Variants in TTLL7 observed in about 807,000 individuals in gnomAD.
TTLL7 encodes the protein tubulin tyrosine ligase like 7, also known as tubulin polyglutamylase TTLL7.
Under a neutral mutation model 120.2 loss-of-function variants are expected in TTLL7, and 53 were observed. The observed-to-expected ratio is 0.44, with a 90% CI of 0.35 to 0.55. The LOEUF (loss-of-function observed/expected upper bound fraction) is 0.55, where lower values mean the gene tolerates loss of function less well. Among genes scored for constraint, TTLL7 ranks in the 20% least tolerant of loss-of-function variants. TTLL7 has a pLI of 0.00. For synonymous variants in TTLL7, 353 were observed against 351.7 expected, an observed-to-expected ratio of 1.00 and a Z score of -0.04; for missense variants, 803 against 1,054.7, an observed-to-expected ratio of 0.76 and a Z score of 3.31.
chr1:83,920,088 A>C (rs1658515054), intron 12 of TTLL7, among the ~76,000 whole-genome samples: 1 of 152,210 alleles, frequency 6.6e-6, no homozygotes, highest in Admixed American at 6.5e-5. Context: ...TAATTAATAA[A>C]ATTCTTTCAA....
chr1:83,938,541 C>T (rs1647633503), intron 7 of TTLL7, among the ~76,000 whole-genome samples: 1 of 152,090 alleles, frequency 6.6e-6, no homozygotes, highest in African/African-American at 2.4e-5. Context: ...ACTGAGAGGC[C>T]CCTTTAGCTC....
chr1:83,991,283 A>C (rs1434920430), intron 1 of TTLL7, among the ~76,000 whole-genome samples: 1 of 152,184 alleles, frequency 6.6e-6, no homozygotes, highest in African/African-American at 2.4e-5. Context: ...AGGTCGTTTC[A>C]CAATAATGTG....
intron 1 of TTLL7, among the ~76,000 whole-genome samples, chr1:83,987,871 T>C (rs966622003): frequency 6.6e-6 from 1 of 152,166 alleles, no homozygotes; most frequent in Non-Finnish European, 1.5e-5. Flanking sequence ...TATTTGTTTA[T>C]TTATTCTATA....
At chr1:83,973,999 G>A (rs2100578777) in intron 1 of TTLL7, among the ~76,000 whole-genome samples, 1 of 152,084 alleles carries the variant, frequency 6.6e-6, no homozygotes, top group Non-Finnish European at 1.5e-5. Flanking sequence ...GCTGGATCCT[G>A]AAGATTTTTG....
At chr1:83,920,182 CAA>C (rs1658520012) in intron 12 of TTLL7, among the ~76,000 whole-genome samples, 1 of 152,014 alleles carries the variant, frequency 6.6e-6, no homozygotes, top group Non-Finnish European at 1.5e-5. Context: ...AATCCACAAA[CAA>C]AGTTTATCTA....
Position 83,907,605 on chromosome 1 carries a change from T to A in TTLL7, c.1843A>T (p.Ser615Cys), listed in dbSNP as rs1270624471. 1.2e-6 allele frequency: 2 copies of A among 1,613,180 alleles called. No individual in the cohort carries two copies. The highest frequency in any genetic ancestry group is 4.5e-5 in the East Asian group (2 of 44,804). Reference sequence around the variant, plus strand: ...GCAGAAAATGGGCGGGTGTCCCCACTGGAAGGTGATTGAGCAGAGATGGAC... The same window carrying A: ...GCAGAAAATGGGCGGGTGTCCCCACAGGAAGGTGATTGAGCAGAGATGGAC... ...PRSISAQSPSSGDTRPFSAQQ... is the reference protein window; with the variant it reads ...PRSISAQSPSCGDTRPFSAQQ... Residue 615 changes from serine (S) to cysteine (C), a missense_variant, in exon 16 of 21, where the codon AGT (serine) becomes TGT (cysteine). Coordinates refer to ENST00000260505, the MANE Select transcript of TTLL7 (RefSeq NM_024686.6).
At chr1:83,898,461 A>G (rs1029000895) in intron 18 of TTLL7, among the ~76,000 whole-genome samples, 1 of 152,040 alleles carries the variant, frequency 6.6e-6, no homozygotes, top group African/African-American at 2.4e-5. Context: ...GCCATAGGCA[A>G]TACTGAACTC....
chr1:83,959,907 T>C (rs978528220), intron 1 of TTLL7, among the ~76,000 whole-genome samples: 1 of 152,050 alleles, frequency 6.6e-6, no homozygotes, highest in Non-Finnish European at 1.5e-5. Context: ...TTTAAAATTA[T>C]ACAAAATAAT....
chr1:83,907,528 G>C lies in TTLL7; in HGVS notation c.1920C>G (p.Ser640=), dbSNP rs199922709. 9.6e-5 allele frequency: 155 copies of C among 1,613,280 alleles called. 1 individual carries two copies. In the East Asian group the frequency reaches 3.3e-3, roughly 34 times the overall value. Residue 640 remains serine (S), a synonymous_variant, in exon 16 of 21, where the codon TCC becomes TCG. Coordinates refer to ENST00000260505, the MANE Select transcript of TTLL7 (RefSeq NM_024686.6). ...TCATGTAGGAGGAAGCACGGTTTAAGGAATGTGACCGAGATGCAGAAGTTG... is the reference window on the plus strand; with the variant it reads ...TCATGTAGGAGGAAGCACGGTTTAACGAATGTGACCGAGATGCAGAAGTTG... ...SRPTSASRSH[S]LNRASSYMRH...
chr1:83,911,514 G>T, intron 14 of TTLL7, 151 bp from the exon 15 acceptor site: 1 of 647,300 alleles, frequency 1.5e-6, no homozygotes, highest in Non-Finnish European at 2.6e-6. Flanking sequence ...ATGCTGCTTA[G>T]CCTACAGTGC....
In TTLL7 at chr1:83,921,392, G is replaced by A; in HGVS notation, c.1145C>T (p.Thr382Ile). 6.2e-7 allele frequency: 1 copy of A among 1,610,246 alleles called. No individual in the cohort carries two copies. The highest frequency in any genetic ancestry group is 1.7e-5 in the Admixed American group (1 of 59,544). The change falls in exon 11 of 21, where the codon ACC becomes ATC. Residue 382 changes from threonine to isoleucine, a missense_variant and splice_region_variant. Physicochemically the swap from Thr to Ile is moderately conservative, Grantham distance 89. Coordinates refer to ENST00000260505, the MANE Select transcript of TTLL7 (RefSeq NM_024686.6). ...GGCCAAGTTTCTTCTTTTGTCACTG[G>A]TCCTAAAATATAAAACATAAGACCA... is the stretch of plus-strand genomic sequence containing the variant. The part of the protein sequence containing the change: ...LNALKLLNIR[T>I]SDKRRNLAKQ...
intron 6 of TTLL7, 29 bp from the exon 7 acceptor site, chr1:83,942,708 T>G: frequency 6.6e-7 from 1 of 1,522,538 alleles, no homozygotes; most frequent in South Asian, 1.2e-5. Flanking sequence ...ATTAAAAGAA[T>G]GATTTGACAT....
chr1:83,958,949 G>A (rs1225812995), intron 1 of TTLL7, among the ~76,000 whole-genome samples: 1 of 152,080 alleles, frequency 6.6e-6, no homozygotes, highest in Non-Finnish European at 1.5e-5. Context: ...GGCTCTGGAT[G>A]ACCACAATGT....
intron 19 of TTLL7, among the ~76,000 whole-genome samples, chr1:83,886,345 C>T (rs1654973130): frequency 6.6e-6 from 1 of 151,980 alleles, no homozygotes; most frequent in Non-Finnish European, 1.5e-5. Context: ...ATGCATCAAA[C>T]AGAAAACACC....
chr1:83,975,792 C>G (rs542517497), intron 1 of TTLL7, among the ~76,000 whole-genome samples: 2 of 152,150 alleles, frequency 1.3e-5, no homozygotes, highest in South Asian at 4.1e-4. Context: ...CTTTTTAGTA[C>G]AGATGTAGTA....
At position 83,936,354 on chromosome 1, in the gene TTLL7, G is replaced by GA. The variant is rs142115580; in HGVS notation, c.888+1497dup. Among the ~76,000 whole-genome samples, 1,090 of 151,760 alleles carry GA rather than the reference G, an allele frequency of 7.2e-3. 10 individuals are homozygous for GA. The highest frequency in any genetic ancestry group is 0.012 in the Non-Finnish European group (782 of 67,852). On this transcript the variant is annotated intron_variant, in intron 8 of 20. Coordinates refer to ENST00000260505, the MANE Select transcript of TTLL7 (RefSeq NM_024686.6). ...CAAATGAGGGTTACAAATGTGTACA[G>GA]AAAAAAAAGAATGCCAGAGGGTATA...
chr1:83,946,999 T>C, intron 6 of TTLL7, 125 bp downstream of exon 6: 1 of 713,762 alleles, frequency 1.4e-6, no homozygotes, highest in Admixed American at 3.8e-5. Flanking sequence ...AAAACTACAA[T>C]AGTTAGAAAC....
intron 14 of TTLL7, chr1:83,912,898 T>C (rs1030437512): frequency 6.6e-6 from 1 of 152,166 alleles, no homozygotes; most frequent in Non-Finnish European, 1.5e-5. Context: ...ATATGAATTC[T>C]AGAGGAAGGT....
At chr1:83,905,150 T>C (rs1246486759) in intron 17 of TTLL7, among the ~76,000 whole-genome samples, 2 of 151,950 alleles carry the variant, frequency 1.3e-5, no homozygotes, top group African/African-American at 2.4e-5. Context: ...TCAAATAAGA[T>C]GACATAGGTA....
Sources: gnomAD v4.1 joint callset for allele counts (sites outside exome capture counted in the v4.1 genomes callset) on GRCh38, gnomAD v4.1.1 for gene constraint, MANE v1.5 for transcripts, NCBI Gene and HGNC (gene_info 2026-07-23, HGNC 2026-07-21) for gene names.